SPMIP6: variants seen among roughly 807,000 people sequenced by gnomAD.
SPMIP6 encodes ciliated bronchial epithelial protein 1.
the SPMIP6 span, among the ~76,000 whole-genome samples, chr9:34,389,718 T>C: frequency 2.6e-5 from 4 of 152,218 alleles, no homozygotes; most frequent in Admixed American, 2.0e-4. Context: ...GTTATATCTC[T>C]CCATTTATTT....
the SPMIP6 span, chr9:34,379,124 G>C: frequency 6.2e-7 from 1 of 1,613,832 alleles, no homozygotes; most frequent in Non-Finnish European, 8.5e-7. The surrounding 1 kb of genome is among the most constrained non-coding windows in gnomAD (Gnocchi z 4.2). Flanking sequence ...ACTCAGGATG[G>C]ATAACATAGT....
chr9:34,381,280 C>T, the SPMIP6 span: 5 of 1,600,032 alleles, frequency 3.1e-6, no homozygotes, highest in Admixed American at 5.0e-5. This position sits in a 1 kb window ranked among gnomAD's most constrained non-coding sequence, Gnocchi z 4.4. Flanking sequence ...GGCCTCCTCC[C>T]CGTCCTTCAG....
the SPMIP6 span, among the ~76,000 whole-genome samples, chr9:34,384,593 A>C: frequency 6.6e-6 from 1 of 152,166 alleles, no homozygotes; most frequent in Non-Finnish European, 1.5e-5. Flanking sequence ...GCCATGCAAG[A>C]GCAATTTATT....
the SPMIP6 span, chr9:34,380,651 G>A: frequency 1.3e-6 from 2 of 1,531,868 alleles, no homozygotes; most frequent in Non-Finnish European, 1.8e-6. Context: ...TTGACCTTGA[G>A]CCCAGTTTGA....
the SPMIP6 span, among the ~76,000 whole-genome samples, chr9:34,387,164 C>A: frequency 1.8e-4 from 28 of 152,090 alleles, no homozygotes; most frequent in African/African-American, 6.3e-4. Flanking sequence ...GGCATGTGCA[C>A]CACACCTGGT....
the SPMIP6 span, among the ~76,000 whole-genome samples, chr9:34,396,195 C>T: frequency 1.2e-4 from 18 of 152,072 alleles, no homozygotes; most frequent in Non-Finnish European, 1.8e-4. Flanking sequence ...AAAGGGCATA[C>T]GATAATATAT....
chr9:34,379,194 A>G, the SPMIP6 span: 2 of 1,553,572 alleles, frequency 1.3e-6, no homozygotes, highest in Non-Finnish European at 1.8e-6. The surrounding 1 kb of genome is among the most constrained non-coding windows in gnomAD (Gnocchi z 4.2). Flanking sequence ...ACAGGAAGAG[A>G]TGGGTCAGCC....
the SPMIP6 span, among the ~76,000 whole-genome samples, chr9:34,387,460 T>C: frequency 6.6e-6 from 1 of 152,126 alleles, no homozygotes; most frequent in Admixed American, 6.6e-5. Flanking sequence ...GGGCAGAATA[T>C]GGGAGATGTG....
chr9:34,397,621 A>T, the SPMIP6 span: 1 of 1,606,352 alleles, frequency 6.2e-7, no homozygotes, highest in Non-Finnish European at 8.5e-7. Flanking sequence ...GTCTTACGGG[A>T]GAACAGGAAC....
the SPMIP6 span, among the ~76,000 whole-genome samples, chr9:34,385,029 G>T: frequency 6.6e-6 from 1 of 152,116 alleles, no homozygotes; most frequent in Non-Finnish European, 1.5e-5. Flanking sequence ...GAATGCACTT[G>T]GAGGGATCTG....
the SPMIP6 span, among the ~76,000 whole-genome samples, chr9:34,382,045 A>G: frequency 1.3e-5 from 2 of 152,158 alleles, no homozygotes; most frequent in Admixed American, 6.5e-5. Flanking sequence ...ACAAAGGAGG[A>G]GAAGGTGGAG....
chr9:34,394,097 C>T, the SPMIP6 span, among the ~76,000 whole-genome samples: 9 of 152,292 alleles, frequency 5.9e-5, no homozygotes, highest in Admixed American at 3.3e-4. Context: ...ACTGGGATTA[C>T]TACAGGCATG....
chr9:34,392,691 G>A, the SPMIP6 span, among the ~76,000 whole-genome samples: 2 of 152,170 alleles, frequency 1.3e-5, no homozygotes, highest in African/African-American at 4.8e-5. The surrounding 1 kb of genome is among the most constrained non-coding windows in gnomAD (Gnocchi z 4.6). Flanking sequence ...GAAGTCAGTG[G>A]CTGGCATCAG....
chr9:34,390,810 G>A, the SPMIP6 span, among the ~76,000 whole-genome samples: 25 of 151,852 alleles, frequency 1.6e-4, no homozygotes, highest in African/African-American at 3.6e-4. Flanking sequence ...TTGTAGAGAC[G>A]GGGGTCTCAC....
chr9:34,384,718 A>G, the SPMIP6 span, among the ~76,000 whole-genome samples: 3 of 152,198 alleles, frequency 2.0e-5, no homozygotes, highest in Non-Finnish European at 1.5e-5. Flanking sequence ...TGTGAATAAG[A>G]CCAGACTCGG....
the SPMIP6 span, chr9:34,382,549 C>T: frequency 1.6e-5 from 9 of 565,158 alleles, no homozygotes; most frequent in South Asian, 4.2e-5. Context: ...TGCGCCACTG[C>T]GCTCCAGCCT....
the SPMIP6 span, chr9:34,380,794 C>A: frequency 6.5e-7 from 1 of 1,528,494 alleles, no homozygotes; most frequent in South Asian, 1.2e-5. Context: ...CTAGAGCAGG[C>A]TGGGGGCCTG....
chr9:34,396,441 C>T, the SPMIP6 span, among the ~76,000 whole-genome samples: 1 of 152,158 alleles, frequency 6.6e-6, no homozygotes, highest in African/African-American at 2.4e-5. Flanking sequence ...TGCCCTCAAC[C>T]CCAGCCCCTG....
At chr9:34,379,117 C>T in the SPMIP6 span, 1 of 1,613,762 alleles carries the variant, frequency 6.2e-7, no homozygotes, top group African/African-American at 1.3e-5. The surrounding 1 kb of genome is among the most constrained non-coding windows in gnomAD (Gnocchi z 4.2). Flanking sequence ...GACACAAACT[C>T]AGGATGGATA....
Sources: gnomAD v4.1 joint callset for allele counts (sites outside exome capture counted in the v4.1 genomes callset) on GRCh38, gnomAD v4.1.1 for gene constraint, Gnocchi (gnomAD v3.1) non-coding constraint, MANE v1.5 for transcripts, NCBI Gene and HGNC (gene_info 2026-07-23, HGNC 2026-07-21) for gene names.